Variants in SPSB4 observed in about 807,000 individuals in gnomAD.
The protein encoded by SPSB4 is splA/ryanodine receptor domain and SOCS box containing 4.
A neutral mutation model predicts 20.9 loss-of-function variants in SPSB4; 21 were observed. That is an observed-to-expected ratio of 1.01 (90% CI 0.71 to 1.45). The LOEUF is 1.45. SPSB4 is among the 40% of genes most tolerant of loss of function. SPSB4 has a pLI of 0.00. For synonymous variants in SPSB4, 207 were observed against 183.8 expected, an observed-to-expected ratio of 1.13 and a Z score of -1.02; for missense variants, 399 against 399.2, an observed-to-expected ratio of 1.00 and a Z score of 0.00.
rs34223433 is a variant in SPSB4, at chr3:141,111,354, C to CTTTTTT, written c.695-35767_695-35762dup. ...CCTAATTACTAAACCCTGGAACTTG[C>CTTTTTT]TTTTTTTTTTTTTTTTTTTTTTTTT... On this transcript the variant is annotated intron_variant, in intron 2 of 2. Coordinates refer to ENST00000310546, the MANE Select transcript of SPSB4 (RefSeq NM_080862.3). 1.9e-4 allele frequency among the ~76,000 whole-genome samples: 12 copies of CTTTTTT among 61,810 alleles called. 1 individual carries two copies. Among genetic ancestry groups the CTTTTTT allele is most frequent in the Non-Finnish European group, 2.5e-4 (9 of 36,184 alleles). The allele number at this position is 61,810 out of a possible 152,430, so 40.5% of individuals were successfully genotyped here. A position where few individuals can be genotyped will look rare whatever the true frequency, so the allele number is the denominator to read the frequency against.
intron 2 of SPSB4, among the ~76,000 whole-genome samples, chr3:141,089,060 C>A (rs1938402056): frequency 6.6e-6 from 1 of 152,210 alleles, no homozygotes; most frequent in Non-Finnish European, 1.5e-5. Context: ...TTGAATGAAA[C>A]ATTGCAGGAG....
chr3:141,147,283 G>A lies in SPSB4; in HGVS notation c.*14G>A. 1 of 1,614,056 alleles carries A rather than the reference G, an allele frequency of 6.2e-7. No homozygotes were observed. On this transcript the variant is annotated 3_prime_UTR_variant, in exon 3 of 3. Coordinates refer to ENST00000310546, the MANE Select transcript of SPSB4 (RefSeq NM_080862.3). ...CAGTACCAGTGAGCCAAGCCTGATG[G>A]GCAGCACAGACACAGACACACACCG... is the stretch of plus-strand genomic sequence containing the variant.
intron 2 of SPSB4, among the ~76,000 whole-genome samples, chr3:141,106,635 G>A (rs1938693390): frequency 6.6e-6 from 1 of 152,202 alleles, no homozygotes; most frequent in Non-Finnish European, 1.5e-5. Flanking sequence ...GTTAATAAAA[G>A]GAATATATGT....
chr3:141,087,758 C>T (rs1414802747), intron 2 of SPSB4, among the ~76,000 whole-genome samples: 3 of 152,092 alleles, frequency 2.0e-5, no homozygotes, highest in Non-Finnish European at 2.9e-5. Flanking sequence ...AAGGCAAATG[C>T]GGGCAGGGCA....
chr3:141,056,315 GA>G (rs1937637772), intron 1 of SPSB4, among the ~76,000 whole-genome samples: 1 of 152,152 alleles, frequency 6.6e-6, no homozygotes, highest in African/African-American at 2.4e-5. Flanking sequence ...ACCTTCAGGA[GA>G]CATCTACCTG....
intron 2 of SPSB4, among the ~76,000 whole-genome samples, chr3:141,093,643 C>G (rs1559897): frequency 0.27 from 41,390 of 152,034 alleles, 7,897 homozygotes; most frequent in African/African-American, 0.54. Flanking sequence ...TGCGGCGCTG[C>G]AGAAGGGCCA....
At chr3:141,111,241 C>T (rs570035990) in intron 2 of SPSB4, among the ~76,000 whole-genome samples, 18 of 151,100 alleles carry the variant, frequency 1.2e-4, no homozygotes, top group Non-Finnish European at 1.8e-4. Flanking sequence ...TTTCACTTGG[C>T]GTGAATATTC....
intron 2 of SPSB4, among the ~76,000 whole-genome samples, chr3:141,081,843 C>G (rs1286640238): frequency 1.3e-5 from 2 of 152,132 alleles, no homozygotes; most frequent in Non-Finnish European, 2.9e-5. Context: ...ATCGCAAAGG[C>G]CTGGACGGCG....
chr3:141,072,421 G>A (rs980998320), intron 2 of SPSB4, among the ~76,000 whole-genome samples: 1 of 152,190 alleles, frequency 6.6e-6, no homozygotes, highest in African/African-American at 2.4e-5. Flanking sequence ...TTGGGCCGTG[G>A]CAGATACATC....
intron 2 of SPSB4, among the ~76,000 whole-genome samples, chr3:141,128,872 G>A (rs1312812992): frequency 6.6e-6 from 1 of 152,146 alleles, no homozygotes; most frequent in Non-Finnish European, 1.5e-5. Context: ...TCACTTCAGG[G>A]TGTCATTCAC....
intron 2 of SPSB4, among the ~76,000 whole-genome samples, chr3:141,128,766 G>A (rs895479571): frequency 6.6e-6 from 1 of 152,024 alleles, no homozygotes; most frequent in Admixed American, 6.6e-5. Flanking sequence ...AGAGCATCAT[G>A]GGGGGATGGC....
In SPSB4 at chr3:141,066,238, C is replaced by A. The variant is rs1475589890; in HGVS notation, c.134C>A (p.Ala45Glu). ...ARLDQLLDMP[A>E]AGLAVQLRHA... ...CTGGACCAGCTGTTGGACATGCCAG[C>A]GGCGGGGCTGGCTGTGCAGCTGCGG... Residue 45 changes from alanine (A) to glutamate (E), a missense_variant, in exon 2 of 3, where the codon GCG (alanine) becomes GAG (glutamate). Transcript: ENST00000310546. 1.3e-6 allele frequency: 2 copies of A among 1,523,666 alleles called. No homozygotes were observed. The highest frequency in any genetic ancestry group is 2.5e-5 in the East Asian group (1 of 40,168). The allele number at this position is 1,523,666 out of a possible 1,614,324, so 94.4% of individuals were successfully genotyped here. A position where few individuals can be genotyped will look rare whatever the true frequency, so the allele number is the denominator to read the frequency against.
At chr3:141,064,830 G>C (rs992000316) in intron 1 of SPSB4, among the ~76,000 whole-genome samples, 1 of 152,190 alleles carries the variant, frequency 6.6e-6, no homozygotes, top group Non-Finnish European at 1.5e-5. Context: ...CTTGGGTTCT[G>C]TCTGGTTTCC....
Position 141,117,310 on chromosome 3 carries a change from G to A in SPSB4, c.695-29832G>A, listed in dbSNP as rs72983818. Among the ~76,000 whole-genome samples, 613 of 152,216 alleles carry A rather than the reference G, an allele frequency of 4.0e-3. 7 individuals are homozygous for A. The highest frequency in any genetic ancestry group is 0.014 in the African/African-American group (598 of 41,516). On this transcript the variant is annotated intron_variant, in intron 2 of 2. Transcript: ENST00000310546. ...CCTGTAAAGCCAGAACCTGACTCTA[G>A]GTCTTCTAAGTCCAGGCCTGGGCTG...
At position 141,061,730 on chromosome 3, in the gene SPSB4, CTTTCTTTCTT is replaced by C. The variant is rs1559837743; in HGVS notation, c.-153-4218_-153-4209del. Among the ~76,000 whole-genome samples the C allele has an allele frequency of 3.5e-3, 420 of 118,562 alleles. 4 individuals are homozygous for C. Among genetic ancestry groups the C allele is most frequent in the African/African-American group, 0.012 (401 of 32,228 alleles). The allele number at this position is 118,562 out of a possible 152,430, so 77.8% of individuals were successfully genotyped here. On this transcript the variant is annotated intron_variant, in intron 1 of 2. Transcript: ENST00000310546. ...TCTTTCTTTCTTTTTCTTTCCTTTT[CTTTCTTTCTT>C]TTTTTTTTTTTTTGAGATGGAGTCT...
intron 2 of SPSB4, among the ~76,000 whole-genome samples, chr3:141,129,557 T>G (rs1161697737): frequency 6.6e-6 from 1 of 152,210 alleles, no homozygotes; most frequent in Non-Finnish European, 1.5e-5. Flanking sequence ...CCTTTCTTGT[T>G]TTCCAGCACT....
chr3:141,084,265 A>G (rs73868997), intron 2 of SPSB4, among the ~76,000 whole-genome samples: 1 of 152,290 alleles, frequency 6.6e-6, no homozygotes, highest in African/African-American at 2.4e-5. Flanking sequence ...GAGCAGAAGC[A>G]TAGGGCTTGC....
At chr3:141,105,405 T>A (rs1414374876) in intron 2 of SPSB4, among the ~76,000 whole-genome samples, 3 of 152,172 alleles carry the variant, frequency 2.0e-5, no homozygotes, top group African/African-American at 7.2e-5. Context: ...GTAGATCTGC[T>A]TCCCTTTTGC....
At chr3:141,117,422 T>A (rs969582767) in intron 2 of SPSB4, among the ~76,000 whole-genome samples, 4 of 152,242 alleles carry the variant, frequency 2.6e-5, no homozygotes, top group African/African-American at 9.6e-5. Context: ...TAGCTAGAAT[T>A]TATAATTCAT....
Sources: allele counts gnomAD v4.1 joint callset (sites outside exome capture counted in the v4.1 genomes callset), GRCh38; gene constraint gnomAD v4.1.1; transcripts MANE v1.5; gene names NCBI Gene and HGNC (gene_info 2026-07-23, HGNC 2026-07-21).